Variants in ERP44 observed in about 807,000 individuals in gnomAD.
The protein encoded by ERP44 is endoplasmic reticulum protein 44.
In ERP44, 25 loss-of-function variants were observed where a neutral mutation model predicts 53.4. The ratio of observed to expected loss-of-function variants is 0.47; its 90% CI spans 0.34 to 0.65. The LOEUF is 0.65. Among genes scored for constraint, ERP44 ranks in the 30% least tolerant of loss-of-function variants. The pLI is 0.01. For synonymous variants in ERP44, 145 were observed against 161.2 expected (o/e 0.90, Z 0.76); for missense variants, 338 against 493.2 (o/e 0.69, Z 2.98).
intron 4 of ERP44, among the ~76,000 whole-genome samples, chr9:100,038,164 G>A (rs538057672): frequency 1.3e-5 from 2 of 152,072 alleles, no homozygotes; most frequent in Non-Finnish European, 2.9e-5. Context: ...TCATCTGAAC[G>A]TACTAAAGTC....
intron 4 of ERP44, among the ~76,000 whole-genome samples, chr9:100,025,672 T>C (rs1830643472): frequency 6.6e-6 from 1 of 152,116 alleles, no homozygotes; most frequent in South Asian, 2.1e-4. Flanking sequence ...AAAGCTGATA[T>C]AACAAACAAC....
At chr9:99,983,596 C>T (rs1830171131) in intron 11 of ERP44, among the ~76,000 whole-genome samples, 1 of 151,070 alleles carries the variant, frequency 6.6e-6, no homozygotes, top group African/African-American at 2.4e-5. Context: ...TGCAGTCTAT[C>T]CTCTATTTCC....
chr9:100,018,223 CT>C, intron 7 of ERP44, 32 bp downstream of exon 7: 1 of 1,294,964 alleles, frequency 7.7e-7, no homozygotes, highest in Non-Finnish European at 1.1e-6. Flanking sequence ...TAAATTATAT[CT>C]TATCATACAA....
intron 10 of ERP44, among the ~76,000 whole-genome samples, chr9:100,001,687 C>T (rs1325616336): frequency 6.6e-6 from 1 of 152,170 alleles, no homozygotes; most frequent in Non-Finnish European, 1.5e-5. Context: ...CCTCCCTTCA[C>T]TTTTAGTCTA....
At chr9:99,988,704 G>T (rs1031092419) in intron 10 of ERP44, among the ~76,000 whole-genome samples, 3 of 152,220 alleles carry the variant, frequency 2.0e-5, no homozygotes, top group African/African-American at 4.8e-5. Context: ...AGCCCATGGA[G>T]GGCGAGCCGA....
At chr9:99,986,707 T>G (rs1334327885) in intron 10 of ERP44, among the ~76,000 whole-genome samples, 1 of 152,072 alleles carries the variant, frequency 6.6e-6, no homozygotes, top group African/African-American at 2.4e-5. Context: ...CCCCACTAGC[T>G]CCAATGCAAC....
intron 1 of ERP44, among the ~76,000 whole-genome samples, chr9:100,061,816 G>T (rs1296222870): frequency 6.6e-6 from 1 of 151,954 alleles, no homozygotes; most frequent in African/African-American, 2.4e-5. Flanking sequence ...ATTATTTTCA[G>T]TGCCTCAAAC....
In ERP44 at chr9:99,979,582, C is replaced by G. The variant is rs1830125394; in HGVS notation, c.*3030G>C. 5.4e-6 allele frequency: 1 copy of G among 185,010 alleles called. No homozygotes were observed. The highest frequency in any genetic ancestry group is 6.1e-5 in the Admixed American group (1 of 16,280). The allele number at this position is 185,010 out of a possible 1,614,324, so 11.5% of individuals were successfully genotyped here. On this transcript the variant is annotated 3_prime_UTR_variant, in exon 12 of 12. Transcript: ENST00000262455. ...AAAAAAATAATTTGTAGAATGTCAT[C>G]TAAAAGTTTCCATCCTTTTATGGTC... is the stretch of plus-strand genomic sequence containing the variant.
In ERP44 at chr9:100,003,239, G is replaced by T. The variant is rs371180277; in HGVS notation, c.1016+3267C>A. 3.5e-4 allele frequency among the ~76,000 whole-genome samples: 53 copies of T among 152,122 alleles called. 1 individual carries two copies. The highest frequency in any genetic ancestry group is 2.9e-4 in the Non-Finnish European group (20 of 68,022). On this transcript the variant is annotated intron_variant, in intron 10 of 11. Coordinates refer to ENST00000262455, the MANE Select transcript of ERP44 (RefSeq NM_015051.3). ...TCTCAGTATTTTCTTGAAGTTCATG[G>T]ATGTTACTTTTTAAAACAATTATTC...
chr9:99,987,317 C>T (rs530399380), intron 10 of ERP44, among the ~76,000 whole-genome samples: 2 of 152,270 alleles, frequency 1.3e-5, no homozygotes, highest in Admixed American at 6.5e-5. Flanking sequence ...ATCTCCTAAA[C>T]AGGAAAATAA....
intron 1 of ERP44, among the ~76,000 whole-genome samples, chr9:100,090,171 A>G (rs959994624): frequency 1.3e-5 from 2 of 152,202 alleles, no homozygotes; most frequent in African/African-American, 4.8e-5. Flanking sequence ...AAAAAAAGAA[A>G]AAAAAAGTAG....
chr9:100,034,359 T>C (rs1234649803), intron 4 of ERP44, among the ~76,000 whole-genome samples: 1 of 152,164 alleles, frequency 6.6e-6, no homozygotes, highest in Non-Finnish European at 1.5e-5. Context: ...GTCAGGAAGT[T>C]ACCTTACATG....
chr9:100,052,321 G>GAAAAA, intron 4 of ERP44, 96 bp downstream of exon 4: 1 of 538,176 alleles, frequency 1.9e-6, no homozygotes. Flanking sequence ...AAAAGAAAAG[G>GAAAAA]AAAAAAAAAG....
chr9:100,044,610 T>G (rs1000316771), intron 4 of ERP44, among the ~76,000 whole-genome samples: 4 of 152,188 alleles, frequency 2.6e-5, no homozygotes, highest in African/African-American at 7.2e-5. Context: ...ATTCAATAAT[T>G]GTGTTGAAGG....
intron 1 of ERP44, among the ~76,000 whole-genome samples, chr9:100,064,934 A>G (rs1040753913): frequency 6.6e-6 from 1 of 152,252 alleles, no homozygotes; most frequent in Non-Finnish European, 1.5e-5. Context: ...ATTATAACAA[A>G]AGAGTCAAAC....
intron 1 of ERP44, among the ~76,000 whole-genome samples, chr9:100,074,458 A>G (rs767691406): frequency 1.4e-4 from 22 of 152,318 alleles, no homozygotes; most frequent in Middle Eastern, 3.4e-3. Flanking sequence ...CTTAATTTAT[A>G]TAAGGAAAAA....
chr9:100,091,878 C>T (rs921150672), intron 1 of ERP44, among the ~76,000 whole-genome samples: 25 of 152,314 alleles, frequency 1.6e-4, no homozygotes, highest in African/African-American at 5.1e-4. Flanking sequence ...CCTGGGCTCA[C>T]AATCACACTT....
chr9:100,086,228 AT>A (rs1826480721), intron 1 of ERP44, among the ~76,000 whole-genome samples: 1 of 152,232 alleles, frequency 6.6e-6, no homozygotes, highest in African/African-American at 2.4e-5. Flanking sequence ...TTGCTTTTGT[AT>A]TAAAAGCTGA....
rs533180493 is a variant in ERP44 at position 100,068,279 on chromosome 9, T to C, written c.58-8107A>G. ...GGCGCCTCTGCCCAGCCGCCCCTACTGGGAAGTGAGGAGCCCCTCTACCCG... is the reference window on the plus strand; with the variant it reads ...GGCGCCTCTGCCCAGCCGCCCCTACCGGGAAGTGAGGAGCCCCTCTACCCG... On this transcript the variant is annotated intron_variant, in intron 1 of 11. Transcript: ENST00000262455. Among the ~76,000 whole-genome samples, 47 of 130,190 alleles carry C rather than the reference T, an allele frequency of 3.6e-4. 1 individual carries two copies. The highest frequency in any genetic ancestry group is 1.4e-3 in the African/African-American group (46 of 33,722). 85.4% of individuals were successfully genotyped at this position (130,190 alleles called of 152,430 possible).
Sources: allele counts gnomAD v4.1 joint callset (sites outside exome capture counted in the v4.1 genomes callset), GRCh38; gene constraint gnomAD v4.1.1; transcripts MANE v1.5; gene names NCBI Gene and HGNC (gene_info 2026-07-23, HGNC 2026-07-21).